Variants in LINGO1 observed in about 807,000 individuals in gnomAD.
The protein encoded by LINGO1 is leucine rich repeat and Ig domain containing 1, also known as leucine-rich repeat and immunoglobulin-like domain-containing nogo receptor-interacting protein 1.
A neutral mutation model predicts 37.3 loss-of-function variants in LINGO1; 11 were observed. The observed-to-expected ratio is 0.29, with a 90% CI of 0.19 to 0.49. The LOEUF (loss-of-function observed/expected upper bound fraction) is 0.49, where lower values mean the gene tolerates loss of function less well. Ranked by LOEUF, LINGO1 falls within the 20% of genes least tolerant of loss-of-function variation. LINGO1 has a pLI of 0.99. For missense variants in LINGO1, 585 were observed against 878.2 expected (o/e 0.67, Z 4.22); for synonymous variants, 387 against 403.0 (o/e 0.96, Z 0.48).
chr15:77,808,726 A>G (rs2076979881), intron 1 of LINGO1, among the ~76,000 whole-genome samples: 1 of 152,158 alleles, frequency 6.6e-6, no homozygotes, highest in Admixed American at 6.5e-5. Context: ...TCTGAGCCTC[A>G]GTTTCCTCAT....
chr15:77,694,770 C>G (rs748367776), intron 1 of LINGO1, among the ~76,000 whole-genome samples: 1 of 152,206 alleles, frequency 6.6e-6, no homozygotes, highest in Admixed American at 6.5e-5. Context: ...GTCCCTCCCA[C>G]GAGGCGTCGT....
intron 2 of LINGO1, among the ~76,000 whole-genome samples, chr15:77,724,244 AC>A (rs1448342912): frequency 6.6e-6 from 1 of 152,194 alleles, no homozygotes; most frequent in Non-Finnish European, 1.5e-5. Flanking sequence ...ACAGATGCAC[AC>A]ATGACTGAAG....
Position 77,683,732 on chromosome 15 carries a change from C to T in LINGO1, c.-98-6558G>A, listed in dbSNP as rs901995973. ...CAGGCCAACAGCAGTGGGACATGGGCAGAGTGGGCTTTAAAGGCAAAGAGG... is the reference window on the plus strand; with the variant it reads ...CAGGCCAACAGCAGTGGGACATGGGTAGAGTGGGCTTTAAAGGCAAAGAGG... On this transcript the variant is annotated intron_variant, in intron 2 of 3. Transcript: ENST00000559893. Among the ~76,000 whole-genome samples the T allele has an allele frequency of 5.3e-5, 8 of 152,082 alleles. No homozygotes were observed. The South Asian group carries it at 6.3e-4, about 12-fold the overall frequency.
chr15:77,702,803 C>T (rs1224845698), intron 2 of LINGO1, among the ~76,000 whole-genome samples: 3 of 152,232 alleles, frequency 2.0e-5, no homozygotes, highest in Non-Finnish European at 4.4e-5. Flanking sequence ...CCCAGCTTTT[C>T]CCAGCAGCTT....
intron 3 of LINGO1, among the ~76,000 whole-genome samples, chr15:77,676,061 G>T (rs866125824): frequency 1.3e-5 from 2 of 152,260 alleles, no homozygotes; most frequent in South Asian, 2.1e-4. Context: ...AGAGCCAGAG[G>T]GGGGAAGACG....
chr15:77,754,275 T>A (rs10152354), intron 1 of LINGO1, among the ~76,000 whole-genome samples: 23,480 of 80,334 alleles, frequency 0.29, 2,915 homozygotes, highest in African/African-American at 0.49. Context: ...TGGCAAGAAG[T>A]GTGGAGGGAA....
chr15:77,732,444 T>C (rs1220576010), intron 2 of LINGO1, among the ~76,000 whole-genome samples: 1 of 152,216 alleles, frequency 6.6e-6, no homozygotes, highest in Non-Finnish European at 1.5e-5. Context: ...AGCGCTAGCT[T>C]GCGTCCGCAT....
At chr15:77,801,537 GTA>G (rs1265134536) in intron 1 of LINGO1, among the ~76,000 whole-genome samples, 2 of 151,944 alleles carry the variant, frequency 1.3e-5, no homozygotes, top group African/African-American at 4.8e-5. Context: ...TTCCACAAAT[GTA>G]TTGTTGGGTC....
At chr15:77,719,747 C>T (rs991989624) in intron 2 of LINGO1, among the ~76,000 whole-genome samples, 9 of 146,244 alleles carry the variant, frequency 6.2e-5, no homozygotes, top group Admixed American at 2.1e-4. Context: ...CAATCTCATT[C>T]ACACACTCAC....
chr15:77,807,820 C>T (rs1046505835), intron 1 of LINGO1, among the ~76,000 whole-genome samples: 3 of 152,014 alleles, frequency 2.0e-5, no homozygotes, highest in South Asian at 4.2e-4. Context: ...AGCGAGCGCC[C>T]GGCACGGAAT....
intron 3 of LINGO1, among the ~76,000 whole-genome samples, chr15:77,676,452 G>A (rs1046501523): frequency 6.6e-6 from 1 of 152,210 alleles, no homozygotes; most frequent in African/African-American, 2.4e-5. Flanking sequence ...GGCAACCCTA[G>A]CTGCTACCCC....
Position 77,632,471 on chromosome 15 carries a change from T to G in LINGO1, c.-156A>C. The G allele has an allele frequency of 2.8e-6, 2 of 715,612 alleles. No homozygotes were observed. Among genetic ancestry groups the G allele is most frequent in the Non-Finnish European group, 3.8e-6 (2 of 523,676 alleles). 44.3% of individuals were successfully genotyped at this position (715,612 alleles called of 1,614,324 possible). Reference sequence around the variant, plus strand: ...CCGCGCGCCCTCGCGGGGCTGGCTGTCCGTCTGTCCGCCCCGCGCGGGCGG... The same window carrying G: ...CCGCGCGCCCTCGCGGGGCTGGCTGGCCGTCTGTCCGCCCCGCGCGGGCGG... On this transcript the variant is annotated 5_prime_UTR_variant, in exon 1 of 2. Coordinates refer to ENST00000355300, the MANE Select transcript of LINGO1 (RefSeq NM_032808.7). This position sits in a 1 kb window ranked among gnomAD's most constrained non-coding sequence, Gnocchi z 6.0.
chr15:77,724,604 C>T (rs1321374790), intron 2 of LINGO1, among the ~76,000 whole-genome samples: 1 of 152,172 alleles, frequency 6.6e-6, no homozygotes, highest in Admixed American at 6.5e-5. Context: ...TCAGTTTCCT[C>T]ATCTGTGAAG....
intron 1 of LINGO1, among the ~76,000 whole-genome samples, chr15:77,767,953 C>T (rs1347593024): frequency 1.3e-5 from 2 of 152,126 alleles, no homozygotes; most frequent in Non-Finnish European, 2.9e-5. Context: ...GTTATTTAGA[C>T]GTAGGGAAGT....
In LINGO1 at chr15:77,707,155, G is replaced by A. The variant is rs12442877; in HGVS notation, c.-194-16254C>T. ...AGGCAGGGATGCTGGAGGGGAACAGGATGTGCCATGTCTTCTGATGCTCCA... is the reference window on the plus strand; with the variant it reads ...AGGCAGGGATGCTGGAGGGGAACAGAATGTGCCATGTCTTCTGATGCTCCA... On this transcript the variant is annotated intron_variant, in intron 2 of 3. Transcript: ENST00000561686. Among the ~76,000 whole-genome samples the A allele has an allele frequency of 7.0e-3, 1,073 of 152,326 alleles. 32 individuals are homozygous for A. In the East Asian group the frequency reaches 0.093, roughly 13 times the overall value.
chr15:77,683,637 T>C (rs528317501), intron 2 of LINGO1, among the ~76,000 whole-genome samples: 14 of 152,100 alleles, frequency 9.2e-5, no homozygotes, highest in Non-Finnish European at 1.5e-5. Flanking sequence ...TATGATTCCG[T>C]TTCCTTTTTT....
At chr15:77,791,358 C>A (rs763568376), upstream of LINGO1, among the ~76,000 whole-genome samples, 5 of 148,268 alleles carry the variant, frequency 3.4e-5, no homozygotes, top group Non-Finnish European at 7.4e-5. Context: ...GAAAGGCACA[C>A]GTGGACACGC....
chr15:77,766,897 T>C (rs1431215616), intron 1 of LINGO1, among the ~76,000 whole-genome samples: 1 of 151,698 alleles, frequency 6.6e-6, no homozygotes, highest in East Asian at 1.9e-4. Context: ...TAAAAAAAAA[T>C]CCATTGGAAG....
upstream of LINGO1, chr15:77,788,752 T>TC (rs1446211313): frequency 6.6e-6 from 1 of 152,200 alleles, no homozygotes; most frequent in Non-Finnish European, 1.5e-5. Flanking sequence ...GGCAGACTAG[T>TC]CCCCAGTTCA....
Sources: allele counts gnomAD v4.1 joint callset (sites outside exome capture counted in the v4.1 genomes callset), GRCh38; gene constraint gnomAD v4.1.1; non-coding constraint Gnocchi (gnomAD v3.1); transcripts MANE v1.5; gene names NCBI Gene and HGNC (gene_info 2026-07-23, HGNC 2026-07-21).